The following ANXA4 variants were observed in gnomAD, a reference collection of about 807,000 sequenced individuals.
ANXA4 encodes the protein annexin A4.
ANXA4 carries 39 observed loss-of-function variants against 49.8 expected under a neutral mutation model. The ratio of observed to expected loss-of-function variants is 0.78; its 90% CI spans 0.61 to 1.02. The LOEUF (loss-of-function observed/expected upper bound fraction) is 1.02. Among genes scored for constraint, ANXA4 ranks in the 50% least tolerant of loss-of-function variants. The probability of loss-of-function intolerance (pLI) is 0.00; values close to 1 mark genes in which losing one functional copy is unlikely to be tolerated. For synonymous variants in ANXA4, 134 were observed against 152.5 expected (o/e 0.88, Z 0.89); for missense variants, 360 against 410.1 (o/e 0.88, Z 1.05).
At chr2:69,801,393 T>C (rs1673188029) in intron 3 of ANXA4, among the ~76,000 whole-genome samples, 1 of 147,656 alleles carries the variant, frequency 6.8e-6, no homozygotes, top group Admixed American at 7.3e-5. Flanking sequence ...GCCCTCACTA[T>C]CTGTTTTTTG....
intron 1 of ANXA4, among the ~76,000 whole-genome samples, chr2:69,764,603 C>T (rs1218068513): frequency 6.6e-6 from 1 of 152,154 alleles, no homozygotes; most frequent in East Asian, 1.9e-4. Context: ...CCATAAAATG[C>T]ACCCATCTTA....
At chr2:69,679,064 G>T (rs1677505847) in intron 2 of ANXA4, among the ~76,000 whole-genome samples, 1 of 151,834 alleles carries the variant, frequency 6.6e-6, no homozygotes, top group Non-Finnish European at 1.5e-5. Flanking sequence ...TATTGTTTTG[G>T]TTTTTTATTG....
chr2:69,814,874 C>G (rs781010257), intron 8 of ANXA4: 5 of 151,976 alleles, frequency 3.3e-5, no homozygotes, highest in Non-Finnish European at 5.8e-5. Context: ...GCAGGCCAGC[C>G]TATGGTTTTG....
At chr2:69,737,202 A>T (rs1340829098), upstream of ANXA4, among the ~76,000 whole-genome samples, 1 of 152,180 alleles carries the variant, frequency 6.6e-6, no homozygotes, top group African/African-American at 2.4e-5. Context: ...CTTTATGTGA[A>T]ACCTTATTTC....
At chr2:69,690,215 C>G (rs2105371088) in intron 2 of ANXA4, among the ~76,000 whole-genome samples, 1 of 152,126 alleles carries the variant, frequency 6.6e-6, no homozygotes, top group African/African-American at 2.4e-5. Context: ...TGTCCTCCCA[C>G]CTATTTATTT....
chr2:69,749,999 T>C (rs1670774069), intron 1 of ANXA4, among the ~76,000 whole-genome samples: 1 of 152,016 alleles, frequency 6.6e-6, no homozygotes, highest in African/African-American at 2.4e-5. Flanking sequence ...TCTAGGAGGA[T>C]ACACAGGAAA....
intron 3 of ANXA4, among the ~76,000 whole-genome samples, chr2:69,731,980 C>CT (rs11425067): frequency 0.5 from 59,665 of 120,006 alleles, 15,791 homozygotes; most frequent in East Asian, 0.71. Context: ...TCTTTTCTTT[C>CT]TTTTTTTTTT....
intron 2 of ANXA4, among the ~76,000 whole-genome samples, chr2:69,687,551 G>T (rs981502794): frequency 6.6e-6 from 1 of 151,650 alleles, no homozygotes; most frequent in African/African-American, 2.4e-5. Context: ...AAAAAAGAAA[G>T]AAATTTCTTA....
intron 2 of ANXA4, among the ~76,000 whole-genome samples, chr2:69,657,533 AT>A (rs1375504472): frequency 6.6e-6 from 1 of 152,306 alleles, no homozygotes; most frequent in African/African-American, 2.4e-5. Context: ...GAAATTTCAC[AT>A]TATTGCTTTT....
chr2:69,798,707 G>A (rs1219056769), intron 3 of ANXA4, among the ~76,000 whole-genome samples: 5 of 152,220 alleles, frequency 3.3e-5, no homozygotes, highest in Admixed American at 1.3e-4. Context: ...GATGCCCGGT[G>A]TTTTTGATAG....
At chr2:69,726,112 C>T (rs1215469505) in intron 3 of ANXA4, among the ~76,000 whole-genome samples, 1 of 152,102 alleles carries the variant, frequency 6.6e-6, no homozygotes, top group Non-Finnish European at 1.5e-5. Context: ...CCCCAGGTGT[C>T]GAGGGAGGGA....
At chr2:69,785,119 A>T (rs6546547) in intron 2 of ANXA4, among the ~76,000 whole-genome samples, 37,186 of 152,086 alleles carry the variant, frequency 0.24, 4,607 homozygotes, top group East Asian at 0.35. Flanking sequence ...TCTGTCAGAC[A>T]TATAGAGGGT....
intron 3 of ANXA4, among the ~76,000 whole-genome samples, chr2:69,803,908 A>T (rs1673323702): frequency 6.6e-6 from 1 of 151,966 alleles, no homozygotes; most frequent in Non-Finnish European, 1.5e-5. Context: ...GAGGCCGAGG[A>T]GGGCAGATCA....
intron 1 of ANXA4, among the ~76,000 whole-genome samples, chr2:69,745,031 G>A: frequency 6.6e-6 from 1 of 152,140 alleles, no homozygotes; most frequent in East Asian, 1.9e-4. Context: ...CCAGGAGTTT[G>A]AGACTGCAGT....
intron 3 of ANXA4, among the ~76,000 whole-genome samples, chr2:69,803,945 C>G (rs1175543589): frequency 6.6e-6 from 1 of 152,034 alleles, no homozygotes; most frequent in Non-Finnish European, 1.5e-5. Flanking sequence ...CAAGACCAGC[C>G]TGGTCAACAT....
chr2:69,809,120 A>G (rs1673583863), intron 6 of ANXA4: 1 of 152,190 alleles, frequency 6.6e-6, no homozygotes, highest in Non-Finnish European at 1.5e-5. Context: ...TGTGGGGGAA[A>G]ATGAGGAAGG....
At chr2:69,804,019 T>G (rs1261981739) in intron 3 of ANXA4, among the ~76,000 whole-genome samples, 1 of 151,228 alleles carries the variant, frequency 6.6e-6, no homozygotes, top group Non-Finnish European at 1.5e-5. Flanking sequence ...AGCCCTGTAA[T>G]CCCAGCTACT....
intron 2 of ANXA4, chr2:69,700,164 T>C (rs1362144679): frequency 6.6e-6 from 1 of 152,252 alleles, no homozygotes; most frequent in Non-Finnish European, 1.5e-5. Flanking sequence ...AAACACATCT[T>C]GTAAACCGAC....
At chr2:69,689,112 G>C (rs1444539156) in intron 2 of ANXA4, among the ~76,000 whole-genome samples, 3 of 150,962 alleles carry the variant, frequency 2.0e-5, no homozygotes, top group Non-Finnish European at 4.4e-5. Context: ...TTTTTTTGGA[G>C]ACAGAGTTTC....
Sources: gnomAD v4.1 joint callset for allele counts (sites outside exome capture counted in the v4.1 genomes callset) on GRCh38, gnomAD v4.1.1 for gene constraint, MANE v1.5 for transcripts, NCBI Gene and HGNC (gene_info 2026-07-23, HGNC 2026-07-21) for gene names.